The following ZNF608 variants were observed in gnomAD, a reference collection of about 807,000 sequenced individuals.
The protein encoded by ZNF608 is renal carcinoma antigen NY-REN-36.
ZNF608 carries 12 observed loss-of-function variants against 109.0 expected under a neutral mutation model. The ratio of observed to expected loss-of-function variants is 0.11; its 90% CI spans 0.07 to 0.18. The LOEUF (loss-of-function observed/expected upper bound fraction) is 0.18, where lower values mean the gene tolerates loss of function less well. Ranked by LOEUF, ZNF608 falls within the 10% of genes least tolerant of loss-of-function variation. ZNF608 has a pLI of 1.00. For synonymous variants in ZNF608, 732 were observed against 717.4 expected (o/e 1.02, Z -0.33); for missense variants, 1,707 against 1,879.3 (o/e 0.91, Z 1.70).
chr5:124,721,604 G>C (rs1418102057), intron 2 of ZNF608, among the ~76,000 whole-genome samples: 1 of 151,986 alleles, frequency 6.6e-6, no homozygotes, highest in Non-Finnish European at 1.5e-5. Context: ...AGCAACTAAG[G>C]CTCAGAGCCA....
In ZNF608 at chr5:124,646,769, G is replaced by A; in HGVS notation, c.3615C>T (p.Asn1205=). ...ADSFKAKQME[N]HQLIKEAVEM... is the part of the protein sequence containing the mutation. ...CTACAGCCTCCTTAATAAGCTGGTG[G>A]TTTTCCATCTGCTTAGCTTTGAAGC... Residue 1205 remains asparagine, a synonymous_variant, in exon 5 of 10, where the codon AAC becomes AAT. Transcript: ENST00000513986. 1 of 1,614,250 alleles carries A rather than the reference G, an allele frequency of 6.2e-7. No homozygotes were observed. The highest frequency in any genetic ancestry group is 1.1e-5 in the South Asian group (1 of 91,084).
At chr5:124,641,491 T>C in intron 7 of ZNF608, 86 bp from the exon 8 acceptor site, 2 of 1,364,546 alleles carry the variant, frequency 1.5e-6, no homozygotes, top group Non-Finnish European at 2.0e-6. Context: ...CCTTCGACAA[T>C]ATTGTGTTAA....
intron 3 of ZNF608, 84 bp from the exon 4 acceptor site, chr5:124,649,781 T>C (rs1316115051): frequency 3.4e-6 from 3 of 875,640 alleles, no homozygotes; most frequent in African/African-American, 5.1e-5. Context: ...TTTTCTCTTT[T>C]TTTTGCCAGC....
upstream of ZNF608, among the ~76,000 whole-genome samples, chr5:124,747,941 T>C (rs1749697395): frequency 6.6e-6 from 1 of 152,204 alleles, no homozygotes; most frequent in Non-Finnish European, 1.5e-5. Context: ...CCTGGTCCTG[T>C]AATAAATACA....
chr5:124,721,250 T>G (rs1047580934), intron 2 of ZNF608, among the ~76,000 whole-genome samples: 4 of 152,130 alleles, frequency 2.6e-5, no homozygotes, highest in Non-Finnish European at 4.4e-5. Context: ...TTGCCAACGA[T>G]CTCTACATGG....
intron 3 of ZNF608, among the ~76,000 whole-genome samples, chr5:124,668,059 C>A (rs1312972888): frequency 6.6e-6 from 1 of 151,766 alleles, no homozygotes. Flanking sequence ...CACCAACAAA[C>A]AAGCAACAAA....
chr5:124,666,906 A>G (rs1751503398), intron 3 of ZNF608, among the ~76,000 whole-genome samples: 1 of 152,228 alleles, frequency 6.6e-6, no homozygotes, highest in Admixed American at 6.5e-5. Flanking sequence ...AAAATAGAAC[A>G]CAAAATAATG....
chr5:124,699,759 T>C (rs1260825379), intron 3 of ZNF608, among the ~76,000 whole-genome samples: 1 of 152,236 alleles, frequency 6.6e-6, no homozygotes, highest in Non-Finnish European at 1.5e-5. Flanking sequence ...TACTCAACAC[T>C]TGTCATCTGA....
chr5:124,705,079 T>C (rs141694592), intron 2 of ZNF608, among the ~76,000 whole-genome samples: 2,559 of 152,308 alleles, frequency 0.017, 34 homozygotes, highest in South Asian at 0.038. Flanking sequence ...ATGTATCATA[T>C]GTAAAGGAGG....
intron 2 of ZNF608, among the ~76,000 whole-genome samples, chr5:124,718,606 A>G (rs1250517669): frequency 6.6e-6 from 1 of 152,216 alleles, no homozygotes; most frequent in Non-Finnish European, 1.5e-5. Context: ...GCTCACATCA[A>G]AAAGAATATT....
chr5:124,702,426 T>G (rs1311269659), intron 2 of ZNF608, among the ~76,000 whole-genome samples: 3 of 18,544 alleles, frequency 1.6e-4, no homozygotes, highest in African/African-American at 4.0e-4. Context: ...TATCTTATTC[T>G]GCTGTTCACT....
At chr5:124,655,980 A>G (rs550357777) in intron 3 of ZNF608, among the ~76,000 whole-genome samples, 1 of 152,368 alleles carries the variant, frequency 6.6e-6, no homozygotes, top group East Asian at 1.9e-4. Flanking sequence ...CCAAGTATAT[A>G]TAGAGCACTA....
Position 124,641,350 on chromosome 5 carries a change from C to T in ZNF608, c.4352G>A (p.Arg1451His), listed in dbSNP as rs777960687. ...REREAERERD[R>H]HSPFGQRHLH... ...GTGCCGCTGGCCGAAGGGGGAGTGG[C>T]GATCCCTTTCCCTTTCTGCCTCCCG... The change falls in exon 8 of 10, where the codon CGC becomes CAC. Residue 1451 changes from arginine to histidine, a missense_variant. Around this residue, in one of 7 missense-constraint regions of ZNF608, gnomAD observed 1,073 missense variants for 1,133.5 expected, o/e 0.95. Coordinates refer to ENST00000513986, the MANE Select transcript of ZNF608 (RefSeq NM_020747.3). 17 of 1,614,008 alleles carry T rather than the reference C, an allele frequency of 1.1e-5. No individual in the cohort carries two copies. Among genetic ancestry groups the T allele is most frequent in the Non-Finnish European group, 1.1e-5 (13 of 1,180,024 alleles).
chr5:124,739,524 A>G (rs1239501213), intron 2 of ZNF608, among the ~76,000 whole-genome samples: 6 of 152,206 alleles, frequency 3.9e-5, no homozygotes, highest in African/African-American at 7.2e-5. Flanking sequence ...AGTACTGACT[A>G]AATAGTCAGA....
chr5:124,731,914 A>T (rs1013221477), intron 2 of ZNF608, among the ~76,000 whole-genome samples: 1 of 152,204 alleles, frequency 6.6e-6, no homozygotes, highest in East Asian at 1.9e-4. Flanking sequence ...TATTAACAGG[A>T]AAGAATCAGG....
chr5:124,693,042 C>A (rs1026262872), intron 3 of ZNF608, among the ~76,000 whole-genome samples: 1 of 152,114 alleles, frequency 6.6e-6, no homozygotes, highest in African/African-American at 2.4e-5. Context: ...AGGGTTTCCT[C>A]TAGGGTGATA....
At chr5:124,643,348 C>T (rs1461499380) in intron 7 of ZNF608, among the ~76,000 whole-genome samples, 163 bp downstream of exon 7, 4 of 152,096 alleles carry the variant, frequency 2.6e-5, no homozygotes, top group Admixed American at 1.3e-4. Flanking sequence ...TGTGTGAAAG[C>T]GTCTTACTTT....
chr5:124,705,766 T>C (rs1335718968), intron 2 of ZNF608, among the ~76,000 whole-genome samples: 2 of 152,314 alleles, frequency 1.3e-5, no homozygotes, highest in East Asian at 3.9e-4. Context: ...CATTTTACAA[T>C]TTTATGGCAA....
intron 2 of ZNF608, among the ~76,000 whole-genome samples, chr5:124,737,863 C>G (rs989259022): frequency 1.1e-4 from 17 of 152,176 alleles, no homozygotes; most frequent in African/African-American, 3.9e-4. Context: ...GTTGCAAAGG[C>G]TTTGTTCCCA....
Sources: allele counts gnomAD v4.1 joint callset (sites outside exome capture counted in the v4.1 genomes callset), GRCh38; gene constraint gnomAD v4.1.1; regional missense constraint gnomAD v4.1.1; transcripts MANE v1.5; gene names NCBI Gene and HGNC (gene_info 2026-07-23, HGNC 2026-07-21).